The following RBFOX1 variants were observed in gnomAD, a reference collection of about 807,000 sequenced individuals.
RBFOX1 encodes the protein RNA binding fox-1 homolog 1.
RBFOX1 carries 8 observed loss-of-function variants against 57.7 expected under a neutral mutation model. That is an observed-to-expected ratio of 0.14 (90% CI 0.08 to 0.25). The LOEUF (loss-of-function observed/expected upper bound fraction) is 0.25, where lower values mean the gene tolerates loss of function less well. Ranked by LOEUF, RBFOX1 falls within the 10% of genes least tolerant of loss-of-function variation. RBFOX1 has a pLI of 1.00. For missense variants in RBFOX1, 611 were observed against 548.5 expected (o/e 1.11, Z -1.14); for synonymous variants, 326 against 222.4 (o/e 1.47, Z -4.15).
At chr16:5,522,135 T>G (rs1293178465) in intron 2 of RBFOX1, among the ~76,000 whole-genome samples, 1 of 152,236 alleles carries the variant, frequency 6.6e-6, no homozygotes, top group Admixed American at 6.5e-5. Context: ...CATTCACTTT[T>G]AAGGAGTAAG....
chr16:6,991,802 G>A (rs1173255121), intron 3 of RBFOX1, among the ~76,000 whole-genome samples: 1 of 152,140 alleles, frequency 6.6e-6, no homozygotes, highest in Admixed American at 6.5e-5. Flanking sequence ...CTTCCAAAGT[G>A]CTGCTAGGAT....
chr16:6,877,307 T>C (rs1386587975), intron 3 of RBFOX1, among the ~76,000 whole-genome samples: 1 of 152,218 alleles, frequency 6.6e-6, no homozygotes, highest in Non-Finnish European at 1.5e-5. Context: ...TATCTAGTTT[T>C]ATGTGTGCAT....
chr16:5,690,815 C>T (rs1330868339), intron 3 of RBFOX1, among the ~76,000 whole-genome samples: 1 of 152,166 alleles, frequency 6.6e-6, no homozygotes. Context: ...GCTGAAGTTT[C>T]CTGATGAGTA....
chr16:6,110,680 ATC>A (rs1489549477), intron 1 of RBFOX1, among the ~76,000 whole-genome samples: 1 of 152,162 alleles, frequency 6.6e-6, no homozygotes, highest in Non-Finnish European at 1.5e-5. Context: ...GTTGAATATC[ATC>A]TCAGTCCTCA....
At chr16:5,373,453 A>C in intron 1 of RBFOX1, among the ~76,000 whole-genome samples, 1 of 150,982 alleles carries the variant, frequency 6.6e-6, no homozygotes, top group Non-Finnish European at 1.5e-5. Flanking sequence ...AGTGTGTAGC[A>C]CCTCTCCCTT....
intron 4 of RBFOX1, among the ~76,000 whole-genome samples, chr16:7,242,194 G>C (rs12929041): frequency 0.27 from 41,500 of 152,046 alleles, 6,135 homozygotes; most frequent in Middle Eastern, 0.44. Context: ...TACTGTAAGA[G>C]ACATGGAAAC....
At chr16:6,346,255 G>T (rs958260196) in intron 2 of RBFOX1, among the ~76,000 whole-genome samples, 4 of 152,206 alleles carry the variant, frequency 2.6e-5, no homozygotes, top group Admixed American at 2.6e-4. Flanking sequence ...CCATCTGAGA[G>T]AATAGAAGCG....
At chr16:5,590,824 G>A (rs1052831699) in intron 2 of RBFOX1, among the ~76,000 whole-genome samples, 2 of 152,160 alleles carry the variant, frequency 1.3e-5, no homozygotes, top group Non-Finnish European at 2.9e-5. Context: ...GTGGTAAAAT[G>A]CAGTGATTGA....
At chr16:5,778,144 A>C (rs2054205084) in intron 3 of RBFOX1, among the ~76,000 whole-genome samples, 1 of 152,128 alleles carries the variant, frequency 6.6e-6, no homozygotes, top group South Asian at 2.1e-4. Flanking sequence ...AAAGAGGAGA[A>C]GTGTCTGTAG....
intron 2 of RBFOX1, among the ~76,000 whole-genome samples, chr16:6,531,656 G>T (rs1432229066): frequency 6.6e-6 from 1 of 152,114 alleles, no homozygotes; most frequent in Non-Finnish European, 1.5e-5. Context: ...AGCATATGTT[G>T]TCTAGTAGCC....
At chr16:7,390,604 T>A (rs2097988911) in intron 4 of RBFOX1, among the ~76,000 whole-genome samples, 1 of 152,216 alleles carries the variant, frequency 6.6e-6, no homozygotes, top group Non-Finnish European at 1.5e-5. Context: ...ATATTTCGCA[T>A]TAACACCTGA....
chr16:5,421,853 C>T (rs1203509346), intron 1 of RBFOX1, among the ~76,000 whole-genome samples: 1 of 152,106 alleles, frequency 6.6e-6, no homozygotes, highest in Non-Finnish European at 1.5e-5. Context: ...ATCCAGACGG[C>T]ACCGGCACAC....
chr16:6,703,835 T>G (rs777146618), intron 3 of RBFOX1: 7 of 152,360 alleles, frequency 4.6e-5, no homozygotes, highest in Non-Finnish European at 8.8e-5. Context: ...TTCCCCTCTC[T>G]GACAAGGATA....
At chr16:6,794,796 C>T (rs1027746287) in intron 3 of RBFOX1, among the ~76,000 whole-genome samples, 7 of 152,066 alleles carry the variant, frequency 4.6e-5, no homozygotes, top group Non-Finnish European at 1.0e-4. Context: ...CTTTCAGTAG[C>T]AGATGGTACA....
At chr16:6,867,460 T>G (rs1027492506) in intron 3 of RBFOX1, among the ~76,000 whole-genome samples, 1 of 152,002 alleles carries the variant, frequency 6.6e-6, no homozygotes, top group East Asian at 1.9e-4. Flanking sequence ...GGCTCACTCA[T>G]GTAATTCCAG....
intron 4 of RBFOX1, among the ~76,000 whole-genome samples, chr16:7,237,284 C>T (rs779519116): frequency 6.6e-6 from 1 of 152,170 alleles, no homozygotes; most frequent in African/African-American, 2.4e-5. Context: ...GCTCTTCCGT[C>T]CTCTCTCCCT....
At chr16:6,419,183 TTC>T (rs1426132388) in intron 2 of RBFOX1, among the ~76,000 whole-genome samples, 1 of 152,230 alleles carries the variant, frequency 6.6e-6, no homozygotes, top group African/African-American at 2.4e-5. Flanking sequence ...ACATTTTGAC[TTC>T]TTTTATAAGA....
At chr16:7,175,711 C>T (rs1160252964) in intron 4 of RBFOX1, among the ~76,000 whole-genome samples, 1 of 152,226 alleles carries the variant, frequency 6.6e-6, no homozygotes, top group Non-Finnish European at 1.5e-5. Flanking sequence ...GAGGTTACCT[C>T]TTCCAGCCAC....
In RBFOX1 at chr16:7,511,514, C is replaced by G. The variant is rs562412485; in HGVS notation, c.28-6633C>G. On this transcript the variant is annotated intron_variant, in intron 4 of 15. Coordinates refer to ENST00000550418, the MANE Select transcript of RBFOX1 (RefSeq NM_018723.4). ...GAGTGGCCCTCTTATTGCATGCATA[C>G]AAGAGTCAACACACTATGCTAATAG... Among the ~76,000 whole-genome samples the G allele has an allele frequency of 5.0e-4, 76 of 152,224 alleles. 1 individual carries two copies. The highest frequency in any genetic ancestry group is 6.8e-3 in the Middle Eastern group (2 of 294).
Sources: allele counts gnomAD v4.1 joint callset (sites outside exome capture counted in the v4.1 genomes callset), GRCh38; gene constraint gnomAD v4.1.1; transcripts MANE v1.5; gene names NCBI Gene and HGNC (gene_info 2026-07-23, HGNC 2026-07-21).